Variants in PTPRQ observed in about 807,000 individuals in gnomAD.
PTPRQ encodes phosphatidylinositol phosphatase PTPRQ.
PTPRQ carries 199 observed loss-of-function variants against 246.0 expected under a neutral mutation model. The ratio of observed to expected loss-of-function variants is 0.81; its 90% CI spans 0.72 to 0.91. PTPRQ has a LOEUF of 0.91. Ranked by LOEUF, PTPRQ falls within the 40% of genes least tolerant of loss-of-function variation. The pLI, the probability that PTPRQ is intolerant of heterozygous loss-of-function variation, is 0.00. For missense variants in PTPRQ, 2,624 were observed against 2,528.4 expected, an observed-to-expected ratio of 1.04 and a Z score of -0.81; for synonymous variants, 869 against 853.2, an observed-to-expected ratio of 1.02 and a Z score of -0.32.
intron 25 of PTPRQ, among the ~76,000 whole-genome samples, chr12:80,573,837 C>A (rs991659083): frequency 6.6e-6 from 1 of 151,972 alleles, no homozygotes; most frequent in South Asian, 2.1e-4. Context: ...TTGTGCTTTC[C>A]ATTACATCGA....
chr12:80,658,600 T>G (rs982410046), intron 39 of PTPRQ, among the ~76,000 whole-genome samples: 1 of 152,074 alleles, frequency 6.6e-6, no homozygotes, highest in Non-Finnish European at 1.5e-5. Flanking sequence ...ACCTTGAAAC[T>G]CTAAAAAATT....
intron 26 of PTPRQ, among the ~76,000 whole-genome samples, chr12:80,596,706 G>A (rs1443518245): frequency 6.6e-6 from 1 of 151,830 alleles, no homozygotes; most frequent in Admixed American, 6.6e-5. Context: ...CTCAGCATTA[G>A]GCCCTAGGTC....
intron 42 of PTPRQ, 79 bp from the exon 43 acceptor site, chr12:80,673,090 C>T: frequency 6.6e-7 from 1 of 1,508,640 alleles, no homozygotes. Context: ...TTATTGCTAT[C>T]ATAGCTCATT....
At chr12:80,521,545 T>C (rs1895487218) in intron 17 of PTPRQ, among the ~76,000 whole-genome samples, 1 of 152,144 alleles carries the variant, frequency 6.6e-6, no homozygotes, top group African/African-American at 2.4e-5. Context: ...TTGTGTAAGT[T>C]GTAAGGAAGG....
intron 32 of PTPRQ, among the ~76,000 whole-genome samples, chr12:80,620,864 C>A (rs184364694): frequency 7.9e-5 from 12 of 151,756 alleles, no homozygotes; most frequent in Non-Finnish European, 2.9e-5. Context: ...TTTAATACCA[C>A]CTTTAATATT....
intron 19 of PTPRQ, among the ~76,000 whole-genome samples, chr12:80,535,649 T>TG (rs1389813009): frequency 1.3e-5 from 2 of 152,204 alleles, no homozygotes; most frequent in African/African-American, 4.8e-5. Flanking sequence ...TGAATGATGA[T>TG]GGCTATGAAA....
intron 9 of PTPRQ, among the ~76,000 whole-genome samples, chr12:80,486,872 T>C (rs2120620971): frequency 6.6e-6 from 1 of 152,220 alleles, no homozygotes; most frequent in East Asian, 1.9e-4. Flanking sequence ...CATCCCTCTG[T>C]CCCCCCACTT....
intron 3 of PTPRQ, among the ~76,000 whole-genome samples, chr12:80,451,035 G>A (rs903772591): frequency 4.6e-5 from 7 of 152,138 alleles, no homozygotes; most frequent in East Asian, 3.8e-4. Flanking sequence ...GCAAGCTATC[G>A]CTTATTGCCA....
At chr12:80,502,125 C>G (rs1463624825) in intron 14 of PTPRQ, among the ~76,000 whole-genome samples, 2 of 151,864 alleles carry the variant, frequency 1.3e-5, no homozygotes, top group African/African-American at 4.8e-5. Flanking sequence ...AATGTAAAGT[C>G]TCTGAATAGG....
intron 34 of PTPRQ, 135 bp downstream of exon 34, chr12:80,632,426 A>ACATT: frequency 7.9e-7 from 1 of 1,266,930 alleles, no homozygotes; most frequent in Non-Finnish European, 1.1e-6. Flanking sequence ...ATAAAAATGT[A>ACATT]TTTATCATGT....
chr12:80,456,053 G>T (rs1311462574), intron 3 of PTPRQ, among the ~76,000 whole-genome samples: 2 of 152,130 alleles, frequency 1.3e-5, no homozygotes, highest in African/African-American at 4.8e-5. Context: ...AAAGGGTAAA[G>T]ATATCTTCTG....
chr12:80,569,683 C>T (rs193014325), intron 25 of PTPRQ, among the ~76,000 whole-genome samples: 12 of 151,456 alleles, frequency 7.9e-5, no homozygotes, highest in East Asian at 5.8e-4. Context: ...GGTTTGCTGC[C>T]GCCATCAAAC....
chr12:80,608,931 G>A (rs910252252), intron 27 of PTPRQ, among the ~76,000 whole-genome samples: 1 of 150,562 alleles, frequency 6.6e-6, no homozygotes, highest in Non-Finnish European at 1.5e-5. Flanking sequence ...ATATTTTTAT[G>A]TGATATTCAA....
At chr12:80,668,959 T>G (rs1158591930) in intron 39 of PTPRQ, 48 bp from the exon 40 acceptor site, 2 of 1,496,234 alleles carry the variant, frequency 1.3e-6, no homozygotes, top group Non-Finnish European at 1.8e-6. Flanking sequence ...ACTAAAACAC[T>G]GTATCTGTGA....
In PTPRQ at chr12:80,496,351, G is replaced by A; in HGVS notation, c.2092G>A (p.Ala698Thr). Reference protein sequence around the residue: ...PPEKPNGIIIAYEVLYKNIDT... With the variant: ...PPEKPNGIIITYEVLYKNIDT... ...CGAAAAGCCCAATGGGATCATTATT[G>A]CTTATGAAGTGCTATATAAAAATAT... is the stretch of plus-strand genomic sequence containing the variant. The change falls in exon 14 of 45, where the codon GCT (alanine) becomes ACT (threonine). Residue 698 changes from alanine (A) to threonine (T), a missense_variant. Ala to Thr is a moderately conservative substitution (Grantham distance 58). Transcript: ENST00000644991. 1.9e-6 allele frequency: 3 copies of A among 1,550,726 alleles called. No individual in the cohort carries two copies. Among genetic ancestry groups the A allele is most frequent in the Non-Finnish European group, 2.6e-6 (3 of 1,146,466 alleles).
At chr12:80,634,056 T>C (rs1400194333) in intron 34 of PTPRQ, among the ~76,000 whole-genome samples, 4 of 152,364 alleles carry the variant, frequency 2.6e-5, no homozygotes, top group African/African-American at 9.6e-5. Flanking sequence ...TCTACTTCTT[T>C]ACCTCCTCTA....
At chr12:80,498,792 G>A (rs969443564) in intron 14 of PTPRQ, among the ~76,000 whole-genome samples, 8 of 151,936 alleles carry the variant, frequency 5.3e-5, no homozygotes, top group Non-Finnish European at 1.0e-4. Context: ...CAAGTATTTC[G>A]TTTAAGTGGC....
chr12:80,645,549 C>T (rs1351530614), intron 35 of PTPRQ, among the ~76,000 whole-genome samples: 1 of 151,048 alleles, frequency 6.6e-6, no homozygotes, highest in African/African-American at 2.4e-5. Flanking sequence ...ATCTAGTAAG[C>T]CAAGTGTTAA....
chr12:80,630,644 TTCC>T (rs1899393165), intron 33 of PTPRQ, among the ~76,000 whole-genome samples: 1 of 152,154 alleles, frequency 6.6e-6, no homozygotes, highest in Non-Finnish European at 1.5e-5. Context: ...CCCATTAACT[TTCC>T]TCCTAATCAT....
Sources: allele counts gnomAD v4.1 joint callset (sites outside exome capture counted in the v4.1 genomes callset), GRCh38; gene constraint gnomAD v4.1.1; transcripts MANE v1.5; gene names NCBI Gene and HGNC (gene_info 2026-07-23, HGNC 2026-07-21).